Variants in PI4KA observed in about 807,000 individuals in gnomAD.
PI4KA encodes phosphatidylinositol 4-kinase alpha.
Under a neutral mutation model 271.4 loss-of-function variants are expected in PI4KA, and 122 were observed. The ratio of observed to expected loss-of-function variants is 0.45; its 90% CI spans 0.39 to 0.52. The LOEUF (loss-of-function observed/expected upper bound fraction) is 0.52. Among genes scored for constraint, PI4KA ranks in the 20% least tolerant of loss-of-function variants. The pLI is 0.00. For missense variants in PI4KA, 1,969 were observed against 2,769.1 expected (o/e 0.71, Z 6.48); for synonymous variants, 1,041 against 1,078.8 (o/e 0.96, Z 0.69).
At chr22:20,774,758 C>CAAAAAAAAA (rs361993) in intron 19 of PI4KA, among the ~76,000 whole-genome samples, 1 of 107,368 alleles carries the variant, frequency 9.3e-6, no homozygotes, top group African/African-American at 3.3e-5. Context: ...TAGACTCCGT[C>CAAAAAAAAA]AAAAAAAAAA....
At position 20,727,810 on chromosome 22, in the gene PI4KA, G is replaced by C; in HGVS notation, c.4737C>G (p.Asp1579Glu). ...CAGGCACATCACTAACGGCTCCCGG[G>C]TCCAACCGAACGAGACGGGTCACTT... ...GNEVTRLVRL[D>E]PGAVSDVPEA... Residue 1579 changes from aspartate to glutamate, a missense_variant, in exon 40 of 55, where the codon GAC becomes GAG. Physicochemically the swap from Asp to Glu is conservative, Grantham distance 45 (BLOSUM62 2). Around this residue, in one of 13 missense-constraint regions of PI4KA, gnomAD observed 388 missense variants for 521.5 expected, o/e 0.74. Coordinates refer to ENST00000255882, the MANE Select transcript of PI4KA (RefSeq NM_058004.4). 6.2e-7 allele frequency: 1 copy of C among 1,614,148 alleles called. No homozygotes were observed. The highest frequency in any genetic ancestry group is 8.5e-7 in the Non-Finnish European group (1 of 1,180,006).
chr22:20,807,769 A>G (rs1006552216), intron 9 of PI4KA, among the ~76,000 whole-genome samples: 1 of 152,186 alleles, frequency 6.6e-6, no homozygotes, highest in East Asian at 1.9e-4. Flanking sequence ...AGACAGGGAC[A>G]TGGGAAGTGG....
chr22:20,824,733 C>T (rs1449691510), intron 3 of PI4KA, among the ~76,000 whole-genome samples: 1 of 15,538 alleles, frequency 6.4e-5, no homozygotes, highest in Non-Finnish European at 1.1e-4. Context: ...TGTGATAAAT[C>T]ACACACACAC....
At chr22:20,727,923 CCA>C (rs1927564650) in intron 39 of PI4KA, 59 bp from the exon 40 acceptor site, 2 of 1,312,376 alleles carry the variant, frequency 1.5e-6, no homozygotes, top group Non-Finnish European at 1.1e-6. Context: ...CACTCTCCCA[CCA>C]CACTGGAGTG....
In PI4KA at chr22:20,804,957, A is replaced by G; in HGVS notation, c.1360+17T>C. 1 of 1,594,066 alleles carries G rather than the reference A, an allele frequency of 6.3e-7. No individual in the cohort carries two copies. The highest frequency in any genetic ancestry group is 8.6e-7 in the Non-Finnish European group (1 of 1,166,250). The stretch of plus-strand genomic sequence containing the variant: ...CATGCCTGGAGCTCACATGAGAGGC[A>G]AGGCAGTCTGTCTCACCCTGCTCGT... On this transcript the variant is annotated intron_variant, in intron 11 of 54. Transcript: ENST00000255882.
intron 19 of PI4KA, among the ~76,000 whole-genome samples, chr22:20,771,185 G>T (rs1011515290): frequency 6.6e-6 from 1 of 152,068 alleles, no homozygotes; most frequent in Admixed American, 6.5e-5. Context: ...AGCACTTTGG[G>T]AGGCCGATGC....
At chr22:20,857,764 GGTAA>G (rs1309958160) in intron 1 of PI4KA, among the ~76,000 whole-genome samples, 1 of 152,124 alleles carries the variant, frequency 6.6e-6, no homozygotes, top group Non-Finnish European at 1.5e-5. Flanking sequence ...AAGAGGACAT[GGTAA>G]GTAAGTGCCA....
chr22:20,760,900 G>A (rs868439782), intron 23 of PI4KA, among the ~76,000 whole-genome samples: 8 of 152,178 alleles, frequency 5.3e-5, no homozygotes, highest in Non-Finnish European at 1.2e-4. Flanking sequence ...CTGGGCTCAA[G>A]CGATCCTCCC....
At chr22:20,835,521 C>T (rs963147177) in intron 2 of PI4KA, among the ~76,000 whole-genome samples, 21 of 151,650 alleles carry the variant, frequency 1.4e-4, no homozygotes, top group African/African-American at 5.1e-4. Flanking sequence ...CACTTGAGCT[C>T]AGGAATTTGA....
intron 10 of PI4KA, among the ~76,000 whole-genome samples, chr22:20,806,767 G>A (rs747923591): frequency 1.3e-5 from 2 of 151,882 alleles, no homozygotes; most frequent in African/African-American, 2.4e-5. Flanking sequence ...GTCTTACTCT[G>A]TCACATAGGC....
intron 22 of PI4KA, among the ~76,000 whole-genome samples, chr22:20,764,100 T>C (rs1037502493): frequency 6.6e-6 from 1 of 152,120 alleles, no homozygotes; most frequent in African/African-American, 2.4e-5. Flanking sequence ...TTAAGCTGAG[T>C]GTAATTTGAC....
At chr22:20,773,498 G>C (rs769522184) in intron 19 of PI4KA, among the ~76,000 whole-genome samples, 8 of 152,202 alleles carry the variant, frequency 5.3e-5, no homozygotes, top group Non-Finnish European at 7.3e-5. Context: ...CTCAGTAATA[G>C]TCCTATCTGT....
chr22:20,736,945 A>G (rs113049941), intron 32 of PI4KA: 2 of 153,854 alleles, frequency 1.3e-5, no homozygotes, highest in Non-Finnish European at 2.9e-5. Context: ...GGGAGGGGCC[A>G]CACTGGCATC....
At chr22:20,785,664 ATGC>A (rs1934161587) in intron 19 of PI4KA, among the ~76,000 whole-genome samples, 1 of 152,192 alleles carries the variant, frequency 6.6e-6, no homozygotes, top group African/African-American at 2.4e-5. Context: ...AAAAAACCAA[ATGC>A]CTAAAATTGG....
rs900091197 is a variant in PI4KA at position 20,793,123 on chromosome 22, G to A, written c.2328+70C>T. 73 of 926,332 alleles carry A rather than the reference G, an allele frequency of 7.9e-5. No individual in the cohort carries two copies. The Middle Eastern group carries it at 1.1e-3, about 13-fold the overall frequency. 57.4% of individuals were successfully genotyped at this position (926,332 alleles called of 1,614,324 possible). A position where few individuals can be genotyped will look rare whatever the true frequency, so the allele number is the denominator to read the frequency against. ...CACCTTTCTAAGGAATTTACTGTGC[G>A]TCACCAGGCAACACTTAAAGCATGA... On this transcript the variant is annotated intron_variant, in intron 19 of 54. Transcript: ENST00000255882.
rs1293654059 is a variant in PI4KA at position 20,831,169 on chromosome 22, C to G, written c.367+3393G>C. ...TAAGGCAGGTGGTGGTAAAGAAATC[C>G]CTTAGCATGTGCTTGTCTCAAAAAG... On this transcript the variant is annotated intron_variant, in intron 3 of 54. Coordinates refer to ENST00000255882, the MANE Select transcript of PI4KA (RefSeq NM_058004.4). Among the ~76,000 whole-genome samples the G allele has an allele frequency of 2.0e-5, 3 of 151,998 alleles. No individual in the cohort carries two copies. The East Asian group carries it at 5.8e-4, about 29-fold the overall frequency.
At chr22:20,814,260 T>C (rs1358614759) in intron 7 of PI4KA, among the ~76,000 whole-genome samples, 1 of 152,168 alleles carries the variant, frequency 6.6e-6, no homozygotes, top group Admixed American at 6.6e-5. Flanking sequence ...ACAAATACTG[T>C]ACGATCCCAC....
At chr22:20,752,781 G>T in intron 25 of PI4KA, 122 bp downstream of exon 25, 1 of 1,009,220 alleles carries the variant, frequency 9.9e-7, no homozygotes. Context: ...TCACCCTTAG[G>T]AGTTTTCATT....
intron 39 of PI4KA, 132 bp downstream of exon 39, chr22:20,729,181 G>A (rs1015058389): frequency 2.0e-5 from 15 of 733,448 alleles, no homozygotes; most frequent in Non-Finnish European, 3.3e-5. Context: ...GGGGCTCGAG[G>A]ACTAGACTAC....
Sources: gnomAD v4.1 joint callset for allele counts (sites outside exome capture counted in the v4.1 genomes callset) on GRCh38, gnomAD v4.1.1 for gene constraint, gnomAD v4.1.1 regional missense constraint, MANE v1.5 for transcripts, NCBI Gene and HGNC (gene_info 2026-07-23, HGNC 2026-07-21) for gene names.